Variants in LRP1B observed in about 807,000 individuals in gnomAD.
The protein encoded by LRP1B is low-density lipoprotein receptor-related protein 1B.
LRP1B carries 217 observed loss-of-function variants against 556.6 expected under a neutral mutation model. The observed-to-expected ratio is 0.39, with a 90% confidence interval of 0.35 to 0.44. The LOEUF (loss-of-function observed/expected upper bound fraction) is 0.44. Among genes scored for constraint, LRP1B ranks in the 20% least tolerant of loss-of-function variants. LRP1B has a pLI of 1.00. For synonymous variants in LRP1B, 2,047 were observed against 1,865.8 expected (o/e 1.10, Z -2.50); for missense variants, 5,053 against 5,620.8 (o/e 0.90, Z 3.23).
intron 7 of LRP1B, among the ~76,000 whole-genome samples, chr2:141,166,359 C>G (rs1423142878): frequency 1.4e-5 from 2 of 142,836 alleles, no homozygotes; most frequent in Non-Finnish European, 3.1e-5. Flanking sequence ...AACATCTTCT[C>G]TCTCATTCTT....
intron 71 of LRP1B, 79 bp downstream of exon 71, chr2:140,370,631 A>G (rs1682952372): frequency 2.6e-6 from 4 of 1,546,110 alleles, no homozygotes; most frequent in Non-Finnish European, 3.5e-6. Flanking sequence ...CTCTGCCTCT[A>G]GCATACACTG....
intron 11 of LRP1B, among the ~76,000 whole-genome samples, chr2:141,027,964 T>C (rs943889307): frequency 6.6e-6 from 1 of 152,060 alleles, no homozygotes; most frequent in South Asian, 2.1e-4. Context: ...TGCTCCAGAA[T>C]TGAGAGAAAC....
At chr2:140,296,964 G>A (rs1163046894) in intron 84 of LRP1B, among the ~76,000 whole-genome samples, 3 of 152,122 alleles carry the variant, frequency 2.0e-5, no homozygotes, top group Non-Finnish European at 4.4e-5. Context: ...ACAAAAAAGA[G>A]ATGTGGGCAC....
intron 2 of LRP1B, among the ~76,000 whole-genome samples, chr2:141,607,687 G>A (rs775267697): frequency 6.4e-4 from 97 of 152,236 alleles, no homozygotes; most frequent in South Asian, 8.3e-4. Context: ...GGGAGTCTGA[G>A]GCAGGAGGAT....
intron 84 of LRP1B, among the ~76,000 whole-genome samples, chr2:140,285,299 A>G (rs1265840140): frequency 7.1e-6 from 1 of 140,630 alleles, no homozygotes; most frequent in Non-Finnish European, 1.6e-5. Context: ...ATATATAGAT[A>G]GGTGTGTATA....
intron 3 of LRP1B, among the ~76,000 whole-genome samples, chr2:141,476,910 G>A (rs1409701856): frequency 6.6e-6 from 1 of 152,126 alleles, no homozygotes; most frequent in South Asian, 2.1e-4. Flanking sequence ...GATCACCTGA[G>A]GTTGGGAGTT....
intron 66 of LRP1B, among the ~76,000 whole-genome samples, chr2:140,394,978 C>T (rs757637734): frequency 1.3e-5 from 2 of 152,122 alleles, no homozygotes; most frequent in African/African-American, 2.4e-5. Flanking sequence ...AATGACTATA[C>T]GTGAATACTT....
intron 2 of LRP1B, among the ~76,000 whole-genome samples, chr2:141,581,134 G>T (rs1041729698): frequency 2.6e-5 from 4 of 152,130 alleles, no homozygotes; most frequent in African/African-American, 9.7e-5. Flanking sequence ...TGTTTTCCAG[G>T]TTGAAGCACT....
At chr2:141,987,641 T>C (rs1159575130) in intron 1 of LRP1B, among the ~76,000 whole-genome samples, 1 of 151,556 alleles carries the variant, frequency 6.6e-6, no homozygotes, top group African/African-American at 2.4e-5. Context: ...AGCAGGGATT[T>C]CTTTTTATTT....
intron 3 of LRP1B, among the ~76,000 whole-genome samples, chr2:141,462,045 G>C (rs1681895868): frequency 6.6e-6 from 1 of 152,160 alleles, no homozygotes; most frequent in Non-Finnish European, 1.5e-5. Context: ...TCAGTCTCCA[G>C]AACCAATTTG....
At chr2:141,741,127 C>T (rs1349317269) in intron 2 of LRP1B, among the ~76,000 whole-genome samples, 1 of 152,064 alleles carries the variant, frequency 6.6e-6, no homozygotes, top group Admixed American at 6.6e-5. Flanking sequence ...AATAGTACTC[C>T]ATGGTGTATA....
chr2:140,628,744 C>T (rs1389036553), intron 41 of LRP1B, among the ~76,000 whole-genome samples: 1 of 149,370 alleles, frequency 6.7e-6, no homozygotes, highest in African/African-American at 2.4e-5. Flanking sequence ...AATCTCATGT[C>T]GAATTATAAT....
At chr2:140,271,109 A>G (rs1413601697) in intron 85 of LRP1B, among the ~76,000 whole-genome samples, 2 of 152,008 alleles carry the variant, frequency 1.3e-5, no homozygotes, top group African/African-American at 4.8e-5. Context: ...CAATACTGGG[A>G]AAAACGCAGA....
In LRP1B at chr2:140,793,017, G is replaced by A. The variant is rs115508777; in HGVS notation, c.5360-16779C>T. Among the ~76,000 whole-genome samples, 754 of 151,968 alleles carry A rather than the reference G, an allele frequency of 5.0e-3. 9 individuals carry two copies. The highest frequency in any genetic ancestry group is 0.017 in the African/African-American group (709 of 41,496). On this transcript the variant is annotated intron_variant, in intron 32 of 90. Coordinates refer to ENST00000389484, the MANE Select transcript of LRP1B (RefSeq NM_018557.3). Reference sequence around the variant, plus strand: ...CTATAAGCATACAGTATAGTAGTACGTAAACATTAAAATGATATTGTAGAA... The same window carrying A: ...CTATAAGCATACAGTATAGTAGTACATAAACATTAAAATGATATTGTAGAA...
In LRP1B at chr2:141,793,168, G is replaced by A. The variant is rs190574384; in HGVS notation, c.205+17111C>T. Among the ~76,000 whole-genome samples the A allele has an allele frequency of 8.6e-4, 130 of 151,904 alleles. 2 individuals are homozygous for A. Among genetic ancestry groups the A allele is most frequent in the Middle Eastern group, 6.8e-3 (2 of 294 alleles). ...AAGTATCTTTTTGCTGATTAAAATA[G>A]CTTCATGTTGCATGCTTAATGAAAT... On this transcript the variant is annotated intron_variant, in intron 2 of 90. Coordinates refer to ENST00000389484, the MANE Select transcript of LRP1B (RefSeq NM_018557.3).
chr2:141,523,681 G>C (rs1371246234), intron 2 of LRP1B, among the ~76,000 whole-genome samples: 14 of 151,982 alleles, frequency 9.2e-5, no homozygotes. Context: ...AAATAGAAAA[G>C]AACAGGTTGA....
intron 7 of LRP1B, among the ~76,000 whole-genome samples, chr2:141,158,475 T>C (rs999112680): frequency 2.6e-5 from 4 of 152,128 alleles, no homozygotes; most frequent in Admixed American, 1.3e-4. Context: ...GCAGCACTAC[T>C]GGCACCAACC....
At chr2:141,060,942 C>T in intron 8 of LRP1B, among the ~76,000 whole-genome samples, 1 of 151,864 alleles carries the variant, frequency 6.6e-6, no homozygotes, top group East Asian at 1.9e-4. Flanking sequence ...AGAATAAACA[C>T]TTCAGGCTTT....
intron 20 of LRP1B, among the ~76,000 whole-genome samples, chr2:140,927,612 T>C (rs1694924780): frequency 6.6e-6 from 1 of 151,548 alleles, no homozygotes; most frequent in Non-Finnish European, 1.5e-5. Context: ...TTATCATTTA[T>C]TTTATGCTAT....
Sources: gnomAD v4.1 joint callset for allele counts (sites outside exome capture counted in the v4.1 genomes callset) on GRCh38, gnomAD v4.1.1 for gene constraint, MANE v1.5 for transcripts, NCBI Gene and HGNC (gene_info 2026-07-23, HGNC 2026-07-21) for gene names.